Variants in STXBP5 observed in about 807,000 individuals in gnomAD.
STXBP5 encodes the protein syntaxin binding protein 5.
In STXBP5, 50 loss-of-function variants were observed where a neutral mutation model predicts 152.4. That is an observed-to-expected ratio of 0.33 (90% CI 0.26 to 0.42). The LOEUF (loss-of-function observed/expected upper bound fraction) is 0.42. STXBP5 is among the 10% of genes least tolerant of loss of function. The pLI is 1.00. For synonymous variants in STXBP5, 492 were observed against 494.7 expected, an observed-to-expected ratio of 0.99 and a Z score of 0.07; for missense variants, 1,167 against 1,388.6, an observed-to-expected ratio of 0.84 and a Z score of 2.54.
At chr6:147,287,457 C>T (rs1275558769) in intron 8 of STXBP5, among the ~76,000 whole-genome samples, 1 of 152,076 alleles carries the variant, frequency 6.6e-6, no homozygotes, top group Non-Finnish European at 1.5e-5. Flanking sequence ...CCGCCTCGGC[C>T]TCCCAAAGTG....
At chr6:147,257,552 A>G (rs949235378) in intron 4 of STXBP5, among the ~76,000 whole-genome samples, 1 of 152,032 alleles carries the variant, frequency 6.6e-6, no homozygotes, top group Non-Finnish European at 1.5e-5. Flanking sequence ...ATTGTTATTT[A>G]TTATCATTAA....
intron 23 of STXBP5, among the ~76,000 whole-genome samples, chr6:147,360,124 A>G (rs1784997008): frequency 6.6e-6 from 1 of 152,184 alleles, no homozygotes; most frequent in Non-Finnish European, 1.5e-5. Flanking sequence ...TTAGAATGGC[A>G]GTCATTAAAA....
At chr6:147,325,110 A>C (rs199721547) in intron 17 of STXBP5, 26 bp downstream of exon 17, 411 of 1,474,748 alleles carry the variant, frequency 2.8e-4, no homozygotes, top group Admixed American at 4.7e-4. Flanking sequence ...GTTTTTTTCT[A>C]AGTCTCTTCA....
chr6:147,280,959 A>G (rs1036757006), intron 8 of STXBP5, among the ~76,000 whole-genome samples: 25 of 152,270 alleles, frequency 1.6e-4, no homozygotes, highest in Non-Finnish European at 2.6e-4. Flanking sequence ...ATTTTATTTT[A>G]TATAAGCTAT....
chr6:147,353,736 A>G (rs1372213484), intron 22 of STXBP5, among the ~76,000 whole-genome samples: 3 of 152,174 alleles, frequency 2.0e-5, no homozygotes, highest in African/African-American at 7.2e-5. Flanking sequence ...TTATTTTTAT[A>G]CTAATGAAAT....
In STXBP5 at chr6:147,239,183, G is replaced by C; in HGVS notation, c.344G>C (p.Ser115Thr). ...QFLINEGALV[S>T]ALADDTLHLW... Reference sequence around the variant, plus strand: ...TTGATTTTTAAGGGAGCGCTTGTGAGTGCCTTGGCTGATGACACCTTACAC... The same window carrying C: ...TTGATTTTTAAGGGAGCGCTTGTGACTGCCTTGGCTGATGACACCTTACAC... The change falls in exon 4 of 28, where the codon AGT (serine) becomes ACT (threonine). Residue 115 changes from serine to threonine, a missense_variant. Coordinates refer to ENST00000321680, the MANE Select transcript of STXBP5 (RefSeq NM_001127715.4). 4 of 1,613,316 alleles carry C rather than the reference G, an allele frequency of 2.5e-6. No individual in the cohort carries two copies. Among genetic ancestry groups the C allele is most frequent in the Non-Finnish European group, 3.4e-6 (4 of 1,179,546 alleles).
At chr6:147,305,642 A>G (rs1017758929) in intron 9 of STXBP5, among the ~76,000 whole-genome samples, 1 of 152,180 alleles carries the variant, frequency 6.6e-6, no homozygotes, top group Non-Finnish European at 1.5e-5. Context: ...AGACTTTTCA[A>G]ATTAGGTATT....
intron 26 of STXBP5, among the ~76,000 whole-genome samples, chr6:147,380,487 T>G (rs1786032354): frequency 6.7e-6 from 1 of 149,922 alleles, no homozygotes; most frequent in South Asian, 2.1e-4. Context: ...GGGCCCCAGC[T>G]TCACACCACA....
At chr6:147,337,462 A>C (rs1007966765) in intron 19 of STXBP5, among the ~76,000 whole-genome samples, 1 of 152,050 alleles carries the variant, frequency 6.6e-6, no homozygotes, top group Non-Finnish European at 1.5e-5. Flanking sequence ...AAGTTATAAC[A>C]ATCAGTAGTA....
At chr6:147,347,580 A>G (rs1296591462) in intron 21 of STXBP5, among the ~76,000 whole-genome samples, 1 of 152,238 alleles carries the variant, frequency 6.6e-6, no homozygotes, top group Non-Finnish European at 1.5e-5. Context: ...TATAACTAAT[A>G]CAAATCAAGA....
At chr6:147,270,698 C>T (rs1198620602) in intron 7 of STXBP5, among the ~76,000 whole-genome samples, 2 of 152,002 alleles carry the variant, frequency 1.3e-5, no homozygotes, top group Non-Finnish European at 2.9e-5. Flanking sequence ...TGAAAGACTC[C>T]AGACATGGCA....
chr6:147,329,718 C>CTG (rs1783466306), intron 18 of STXBP5, among the ~76,000 whole-genome samples: 1 of 150,092 alleles, frequency 6.7e-6, no homozygotes, highest in African/African-American at 2.5e-5. Context: ...CTCCGCCTCC[C>CTG]GGGTTCACGC....
At chr6:147,348,487 A>G (rs558123189) in intron 21 of STXBP5, among the ~76,000 whole-genome samples, 92 of 152,264 alleles carry the variant, frequency 6.0e-4, no homozygotes, top group African/African-American at 2.2e-3. Flanking sequence ...CAGTAACAAA[A>G]TGGACCAACT....
At position 147,213,477 on chromosome 6, in the gene STXBP5, T is replaced by TGTGTGCGCGCGC; in HGVS notation, c.248+7410_248+7411insTGTGCGCGCGCG. On this transcript the variant is annotated intron_variant, in intron 2 of 27. Coordinates refer to ENST00000321680, the MANE Select transcript of STXBP5 (RefSeq NM_001127715.4). ...GTGTGTGTGTGTGTGTGTGTGTGTG[T>TGTGTGCGCGCGC]GCGCGCGCATATATATATTTTTTCT... is the stretch of plus-strand genomic sequence containing the variant. Among the ~76,000 whole-genome samples, 547 of 131,280 alleles carry TGTGTGCGCGCGC rather than the reference T, an allele frequency of 4.2e-3. 1 individual carries two copies. Among genetic ancestry groups the TGTGTGCGCGCGC allele is most frequent in the South Asian group, 6.0e-3 (26 of 4,298 alleles). 86.1% of individuals were successfully genotyped at this position (131,280 alleles called of 152,430 possible).
chr6:147,257,306 T>A (rs760594221), intron 4 of STXBP5, among the ~76,000 whole-genome samples: 1 of 151,792 alleles, frequency 6.6e-6, no homozygotes, highest in Non-Finnish European at 1.5e-5. Flanking sequence ...GTTCAGCTTA[T>A]CCATTTTAAG....
chr6:147,267,244 A>G lies in STXBP5; in HGVS notation c.714+77A>G, dbSNP rs74538582. 1,784 of 1,258,902 alleles carry G rather than the reference A, an allele frequency of 1.4e-3. 19 individuals are homozygous for G. In the African/African-American group the frequency reaches 0.024, roughly 17 times the overall value. 78.0% of individuals were successfully genotyped at this position (1,258,902 alleles called of 1,614,324 possible). A position where few individuals can be genotyped will look rare whatever the true frequency, so the allele number is the denominator to read the frequency against. On this transcript the variant is annotated intron_variant, in intron 7 of 27. Coordinates refer to ENST00000321680, the MANE Select transcript of STXBP5 (RefSeq NM_001127715.4). ...AGTTTCTCTAAAAACTTAATTGGTA[A>G]TTTTACTTTAGGCAAACTTTGTAAT...
At chr6:147,350,384 T>C (rs767961763) in intron 21 of STXBP5, among the ~76,000 whole-genome samples, 45 of 152,106 alleles carry the variant, frequency 3.0e-4, no homozygotes, top group Non-Finnish European at 2.6e-4. Flanking sequence ...CTGGTAAATT[T>C]TTTGGCAGCA....
At chr6:147,293,931 A>G (rs1781397304) in intron 9 of STXBP5, among the ~76,000 whole-genome samples, 1 of 152,228 alleles carries the variant, frequency 6.6e-6, no homozygotes, top group African/African-American at 2.4e-5. Flanking sequence ...TAAAGAGCTA[A>G]CTATTAAAAG....
At chr6:147,382,682 C>A in intron 26 of STXBP5, 96 bp from the exon 27 acceptor site, 2 of 1,233,014 alleles carry the variant, frequency 1.6e-6, no homozygotes, top group Non-Finnish European at 1.2e-6. Context: ...GTTGTATTAC[C>A]ACTCAATCCA....
Sources: allele counts gnomAD v4.1 joint callset (sites outside exome capture counted in the v4.1 genomes callset), GRCh38; gene constraint gnomAD v4.1.1; transcripts MANE v1.5; gene names NCBI Gene and HGNC (gene_info 2026-07-23, HGNC 2026-07-21).